Variants in SLC5A4 observed in about 807,000 individuals in gnomAD.
The protein encoded by SLC5A4 is solute carrier family 5 member 4.
A neutral mutation model predicts 70.3 loss-of-function variants in SLC5A4; 55 were observed. That is an observed-to-expected ratio of 0.78 (90% CI 0.63 to 0.98). SLC5A4 has a LOEUF of 0.98. Among genes scored for constraint, SLC5A4 ranks in the 50% least tolerant of loss-of-function variants. The pLI, the probability that SLC5A4 is intolerant of heterozygous loss-of-function variation, is 0.00. For synonymous variants in SLC5A4, 268 were observed against 305.7 expected, an observed-to-expected ratio of 0.88 and a Z score of 1.29; for missense variants, 735 against 839.2, an observed-to-expected ratio of 0.88 and a Z score of 1.53.
At chr22:32,270,593 C>G in the SLC5A4 span, 12 of 736,486 alleles carry the variant, frequency 1.6e-5, no homozygotes, top group Admixed American at 1.3e-4. Flanking sequence ...GAGCTGGACA[C>G]CAGTGGCTTT....
At chr22:32,348,883 G>A in the SLC5A4 span, among the ~76,000 whole-genome samples, 1 of 152,114 alleles carries the variant, frequency 6.6e-6, no homozygotes, top group Admixed American at 6.5e-5. Context: ...TCTTTACAAA[G>A]TTAAGTTTCA....
At chr22:32,227,015 G>A (rs187107372) in intron 11 of SLC5A4, among the ~76,000 whole-genome samples, 113 of 152,166 alleles carry the variant, frequency 7.4e-4, no homozygotes, top group Non-Finnish European at 1.2e-3. Flanking sequence ...AGGACTCCCT[G>A]AGCACCTGGA....
chr22:32,348,445 G>A, the SLC5A4 span, among the ~76,000 whole-genome samples: 1 of 152,204 alleles, frequency 6.6e-6, no homozygotes, highest in Non-Finnish European at 1.5e-5. Flanking sequence ...GCTCCTCCAG[G>A]GGAGTGCCTC....
At chr22:32,229,455 C>T (rs553643566) in intron 10 of SLC5A4, 111 bp from the exon 11 acceptor site, 1 of 1,099,014 alleles carries the variant, frequency 9.1e-7, no homozygotes, top group East Asian at 2.5e-5. Context: ...TAACTGATGT[C>T]CTTATCAATA....
the SLC5A4 span, among the ~76,000 whole-genome samples, chr22:32,291,848 G>GTA: frequency 5.1e-5 from 7 of 137,076 alleles, no homozygotes; most frequent in Non-Finnish European, 7.7e-5. Flanking sequence ...ATATATGTAT[G>GTA]TATATATATA....
At chr22:32,308,422 A>C in the SLC5A4 span, among the ~76,000 whole-genome samples, 1 of 152,156 alleles carries the variant, frequency 6.6e-6, no homozygotes, top group Non-Finnish European at 1.5e-5. Context: ...TGGCGCCACC[A>C]GGCTGGAATC....
chr22:32,225,810 G>C lies in SLC5A4; in HGVS notation c.1294C>G (p.Leu432Val), dbSNP rs768567356. 1 of 1,601,370 alleles carries C rather than the reference G, an allele frequency of 6.2e-7. No homozygotes were observed. Among genetic ancestry groups the C allele is most frequent in the South Asian group, 1.1e-5 (1 of 88,490 alleles). ...CACACAATGCTCACAACAGTTAATA[G>C]AAGAACAAATATCCTGAGAAGAAAA... Reference protein sequence around the residue: ...LLIAGRIFVLLLTVVSIVWVP... With the variant: ...LLIAGRIFVLVLTVVSIVWVP... Residue 432 changes from leucine (L) to valine (V), a missense_variant, in exon 12 of 15, where the codon CTA becomes GTA. Coordinates refer to ENST00000266086, the MANE Select transcript of SLC5A4 (RefSeq NM_014227.3).
the SLC5A4 span, among the ~76,000 whole-genome samples, chr22:32,288,711 TA>T: frequency 6.6e-6 from 1 of 152,080 alleles, no homozygotes; most frequent in Non-Finnish European, 1.5e-5. Context: ...CACGCCTGGA[TA>T]ATTTTTTATT....
At chr22:32,238,860 A>G in intron 6 of SLC5A4, 125 bp downstream of exon 6, 1 of 695,050 alleles carries the variant, frequency 1.4e-6, no homozygotes, top group Non-Finnish European at 2.6e-6. Context: ...CTTGACTCTC[A>G]TAGTGGAAAT....
the SLC5A4 span, among the ~76,000 whole-genome samples, chr22:32,328,776 C>T: frequency 6.6e-6 from 1 of 152,246 alleles, no homozygotes; most frequent in East Asian, 1.9e-4. Flanking sequence ...TGTTACACAG[C>T]ACCAGCTAGC....
intron 12 of SLC5A4, 32 bp downstream of exon 12, chr22:32,225,615 TCACTCCAG>T (rs1445416432): frequency 7.2e-7 from 1 of 1,384,984 alleles, no homozygotes. Context: ...GATTTTTTTC[TCACTCCAG>T]CAGGGAAACT....
intron 5 of SLC5A4, among the ~76,000 whole-genome samples, chr22:32,243,360 A>G (rs1005320670): frequency 1.3e-5 from 2 of 152,230 alleles, no homozygotes; most frequent in African/African-American, 4.8e-5. Flanking sequence ...TGGCAAGTGA[A>G]TGTAGTACCT....
the SLC5A4 span, among the ~76,000 whole-genome samples, chr22:32,352,758 G>A: frequency 3.3e-5 from 5 of 152,302 alleles, no homozygotes; most frequent in East Asian, 3.9e-4. Flanking sequence ...CACCCTCAAC[G>A]CACAGGCCCA....
chr22:32,234,905 T>C lies in SLC5A4; in HGVS notation c.853A>G (p.Ile285Val). Residue 285 changes from isoleucine (I) to valine (V), a missense_variant, in exon 8 of 15, where the codon ATT (isoleucine) becomes GTT (valine). Coordinates refer to ENST00000266086, the MANE Select transcript of SLC5A4 (RefSeq NM_014227.3). The stretch of plus-strand genomic sequence containing the variant: ...GTGCACCAGTACCACAAAGCTGTAA[T>C]GGGCATTCCAAATATAATTCCTGGC... ...PWPGIIFGMP[I>V]TALWYWCTNQ... The C allele has an allele frequency of 1.2e-6, 2 of 1,612,612 alleles. No individual in the cohort carries two copies. Among genetic ancestry groups the C allele is most frequent in the African/African-American group, 2.7e-5 (2 of 74,188 alleles).
At chr22:32,304,158 G>A in the SLC5A4 span, among the ~76,000 whole-genome samples, 3 of 151,878 alleles carry the variant, frequency 2.0e-5, no homozygotes, top group Non-Finnish European at 4.4e-5. Flanking sequence ...TGAGAGTCTT[G>A]CTCTGTCATC....
chr22:32,292,273 CTAGATAT>C, the SLC5A4 span, among the ~76,000 whole-genome samples: 1 of 120,432 alleles, frequency 8.3e-6, no homozygotes, highest in Admixed American at 1.0e-4. Flanking sequence ...ATAATACATA[CTAGATAT>C]TATATATAAT....
the SLC5A4 span, among the ~76,000 whole-genome samples, chr22:32,349,740 CACAT>C: frequency 2.0e-5 from 3 of 152,196 alleles, no homozygotes; most frequent in African/African-American, 7.2e-5. Context: ...ACAAACATCA[CACAT>C]ACAGCACTTC....
the SLC5A4 span, among the ~76,000 whole-genome samples, chr22:32,314,681 A>T: frequency 2.0e-5 from 3 of 152,266 alleles, no homozygotes; most frequent in South Asian, 6.2e-4. Context: ...TGCTGCTGAT[A>T]AAGACATACC....
intron 8 of SLC5A4, among the ~76,000 whole-genome samples, chr22:32,233,584 G>A (rs1925885931): frequency 6.6e-6 from 1 of 152,204 alleles, no homozygotes; most frequent in Non-Finnish European, 1.5e-5. Context: ...ACCAGAGGGA[G>A]TGCTGCCAGA....
Sources: gnomAD v4.1 joint callset for allele counts (sites outside exome capture counted in the v4.1 genomes callset) on GRCh38, gnomAD v4.1.1 for gene constraint, MANE v1.5 for transcripts, NCBI Gene and HGNC (gene_info 2026-07-23, HGNC 2026-07-21) for gene names.